The following TRAPPC12 variants were observed in gnomAD, a reference collection of about 807,000 sequenced individuals.
TRAPPC12 encodes the protein trafficking protein particle complex subunit 12.
TRAPPC12 carries 61 observed loss-of-function variants against 69.2 expected under a neutral mutation model. That is an observed-to-expected ratio of 0.88 (90% confidence interval 0.72 to 1.09). The LOEUF (loss-of-function observed/expected upper bound fraction) is 1.09, where lower values mean the gene tolerates loss of function less well. Ranked by LOEUF, TRAPPC12 falls within the 50% of genes least tolerant of loss-of-function variation. The pLI is 0.00. For synonymous variants in TRAPPC12, 469 were observed against 438.9 expected, an observed-to-expected ratio of 1.07 and a Z score of -0.86; for missense variants, 1,101 against 1,016.4, an observed-to-expected ratio of 1.08 and a Z score of -1.13.
chr2:3,468,459 A>G (rs181564401), intron 9 of TRAPPC12, among the ~76,000 whole-genome samples: 6 of 152,134 alleles, frequency 3.9e-5, no homozygotes, highest in Non-Finnish European at 7.4e-5. Flanking sequence ...AGCAGTCATC[A>G]TCGTCGTGTG....
rs1036261180 is a variant in TRAPPC12, at chr2:3,387,979, C to T, written c.356C>T (p.Ala119Val). 6.8e-7 allele frequency: 1 copy of T among 1,471,346 alleles called. No homozygotes were observed. Among genetic ancestry groups the T allele is most frequent in the Non-Finnish European group, 8.9e-7 (1 of 1,117,836 alleles). 91.1% of individuals were successfully genotyped at this position (1,471,346 alleles called of 1,614,324 possible). ...AGCGGCGAGGCCGACGGCGACTGTGCCCCCGAGGACGCGGCACCCAGTAGC... is the reference window on the plus strand; with the variant it reads ...AGCGGCGAGGCCGACGGCGACTGTGTCCCCGAGGACGCGGCACCCAGTAGC... ...SPSGEADGDC[A>V]PEDAAPSSGG... The change falls in exon 2 of 12, where the codon GCC becomes GTC. Residue 119 changes from alanine to valine, a missense_variant. By Grantham distance (64) the Ala-to-Val change is moderately conservative. Transcript: ENST00000324266.
chr2:3,394,642 G>T (rs1335437857), intron 2 of TRAPPC12, among the ~76,000 whole-genome samples: 1 of 151,896 alleles, frequency 6.6e-6, no homozygotes, highest in Non-Finnish European at 1.5e-5. Flanking sequence ...AAAAAGGGGG[G>T]GGAGATCAGA....
intron 2 of TRAPPC12, among the ~76,000 whole-genome samples, chr2:3,399,817 C>CA (rs1553312597): frequency 1.0e-4 from 15 of 147,026 alleles, no homozygotes; most frequent in Non-Finnish European, 1.5e-4. Context: ...CTCCCCCCGC[C>CA]ACCGCCCCGC....
intron 6 of TRAPPC12, chr2:3,449,060 TA>T (rs1181982877): frequency 6.6e-6 from 1 of 152,262 alleles, no homozygotes; most frequent in Non-Finnish European, 1.5e-5. Flanking sequence ...AGTGAATTAG[TA>T]AATGTTTGCA....
At chr2:3,443,584 G>A (rs1432478037) in intron 5 of TRAPPC12, 195 bp from the exon 6 acceptor site, 6 of 607,944 alleles carry the variant, frequency 9.9e-6, no homozygotes, top group Middle Eastern at 2.7e-4. Flanking sequence ...TAATTGTCGA[G>A]ACATACATAC....
At chr2:3,471,358 C>G (rs562689303) in intron 9 of TRAPPC12, among the ~76,000 whole-genome samples, 31 of 152,266 alleles carry the variant, frequency 2.0e-4, no homozygotes, top group Non-Finnish European at 3.5e-4. Flanking sequence ...ATCCATCTCC[C>G]CCCTCGGCCT....
rs1013764825 is a variant in TRAPPC12 at position 3,479,251 on chromosome 2, C to T, written c.1998C>T (p.Tyr666=). Residue 666 remains tyrosine (Y), a synonymous_variant, in exon 12 of 12, where the codon TAC becomes TAT. Coordinates refer to ENST00000324266, the MANE Select transcript of TRAPPC12 (RefSeq NM_016030.6). The part of the protein sequence containing the change: ...ANNNAAVCLL[Y]LGKLKDSLRQ... ...ACAACGCTGCCGTGTGTCTGCTCTA[C>T]CTGGGCAAGCTCAAGGACTCCCTGC... 1.9e-6 allele frequency: 3 copies of T among 1,613,978 alleles called. No homozygotes were observed. Among genetic ancestry groups the T allele is most frequent in the African/African-American group, 2.7e-5 (2 of 74,944 alleles).
intron 2 of TRAPPC12, among the ~76,000 whole-genome samples, chr2:3,398,171 TTC>T (rs750701449): frequency 1.3e-5 from 2 of 152,220 alleles, no homozygotes; most frequent in South Asian, 2.1e-4. Flanking sequence ...ACTGTGAACA[TTC>T]ACACACAGGC....
At chr2:3,384,562 T>C (rs1384013840) in intron 1 of TRAPPC12, among the ~76,000 whole-genome samples, 1 of 152,228 alleles carries the variant, frequency 6.6e-6, no homozygotes, top group African/African-American at 2.4e-5. Flanking sequence ...GTGCATCTAT[T>C]GAGATAGTCA....
At chr2:3,409,162 C>T (rs1342749023) in intron 3 of TRAPPC12, among the ~76,000 whole-genome samples, 1 of 152,178 alleles carries the variant, frequency 6.6e-6, no homozygotes, top group Non-Finnish European at 1.5e-5. Flanking sequence ...ACTCCTGTGA[C>T]CATGCAGTAG....
intron 1 of TRAPPC12, among the ~76,000 whole-genome samples, chr2:3,383,899 T>G (rs1365686950): frequency 1.5e-5 from 1 of 65,444 alleles, no homozygotes; most frequent in Non-Finnish European, 2.8e-5. Context: ...TTTTTTTTTT[T>G]TTTTTTTTTT....
In TRAPPC12 at chr2:3,388,611, G is replaced by A. The variant is rs1251785709; in HGVS notation, c.988G>A (p.Ala330Thr). 6 of 1,601,918 alleles carry A rather than the reference G, an allele frequency of 3.7e-6. No homozygotes were observed. Among genetic ancestry groups the A allele is most frequent in the South Asian group, 1.1e-5 (1 of 89,434 alleles). ...GGCCGTGGCCACCCAGCAGCGCGGC[G>A]CCGTGTTCGTGGACAAGGAGAACCT... is the stretch of plus-strand genomic sequence containing the variant. Reference protein sequence around the residue: ...LRAVATQQRGAVFVDKENLTM... With the variant: ...LRAVATQQRGTVFVDKENLTM... The change falls in exon 2 of 12, where the codon GCC becomes ACC. Residue 330 changes from alanine (A) to threonine (T), a missense_variant. Transcript: ENST00000324266.
intron 2 of TRAPPC12, among the ~76,000 whole-genome samples, chr2:3,399,016 C>T (rs961484421): frequency 2.6e-5 from 4 of 152,206 alleles, no homozygotes; most frequent in African/African-American, 4.8e-5. Flanking sequence ...GCAGTACAAG[C>T]GTCTCCACCT....
At chr2:3,409,725 G>A (rs1340736038) in intron 3 of TRAPPC12, among the ~76,000 whole-genome samples, 2 of 132,118 alleles carry the variant, frequency 1.5e-5, no homozygotes, top group Admixed American at 1.7e-4. Flanking sequence ...ACTCCAGACT[G>A]GGCAACAAAG....
chr2:3,383,203 A>T (rs1337367498), intron 1 of TRAPPC12, among the ~76,000 whole-genome samples: 2 of 151,866 alleles, frequency 1.3e-5, no homozygotes, highest in African/African-American at 4.8e-5. Context: ...TCTCAGTTAC[A>T]TTTGTTTGTT....
chr2:3,456,174 A>G (rs1199926600), intron 6 of TRAPPC12: 1 of 152,214 alleles, frequency 6.6e-6, no homozygotes, highest in African/African-American at 2.4e-5. Context: ...AGCCCAAGAT[A>G]ACGGTTAAGA....
intron 2 of TRAPPC12, among the ~76,000 whole-genome samples, chr2:3,392,315 G>T (rs1464330915): frequency 6.6e-6 from 1 of 152,034 alleles, no homozygotes; most frequent in Non-Finnish European, 1.5e-5. Context: ...ACAAAGGAAG[G>T]TGTAATGCCT....
intron 11 of TRAPPC12, 78 bp from the exon 12 acceptor site, chr2:3,479,139 ACG>A: frequency 6.4e-7 from 1 of 1,564,184 alleles, no homozygotes; most frequent in Non-Finnish European, 8.7e-7. Context: ...GGCCCCTAAC[ACG>A]GCCCAGCACG....
At chr2:3,449,552 A>G (rs1254181649) in intron 6 of TRAPPC12, 1 of 152,260 alleles carries the variant, frequency 6.6e-6, no homozygotes, top group African/African-American at 2.4e-5. Context: ...TTCTCTATTG[A>G]TAATTGCTAA....
Sources: allele counts gnomAD v4.1 joint callset (sites outside exome capture counted in the v4.1 genomes callset), GRCh38; gene constraint gnomAD v4.1.1; transcripts MANE v1.5; gene names NCBI Gene and HGNC (gene_info 2026-07-23, HGNC 2026-07-21).